The following ENPEP variants were observed in gnomAD, a reference collection of about 807,000 sequenced individuals.
The protein encoded by ENPEP is AP-A.
Under a neutral mutation model 114.5 loss-of-function variants are expected in ENPEP, and 103 were observed. The observed-to-expected ratio is 0.90, with a 90% CI of 0.77 to 1.06. The LOEUF (loss-of-function observed/expected upper bound fraction) is 1.06. Ranked by LOEUF, ENPEP falls within the 50% of genes least tolerant of loss-of-function variation. ENPEP has a pLI of 0.00. For synonymous variants in ENPEP, 420 were observed against 422.0 expected, an observed-to-expected ratio of 1.00 and a Z score of 0.06; for missense variants, 1,196 against 1,161.3, an observed-to-expected ratio of 1.03 and a Z score of -0.43.
At chr4:110,544,033 G>T (rs932454368) in intron 13 of ENPEP, among the ~76,000 whole-genome samples, 50 of 152,048 alleles carry the variant, frequency 3.3e-4, no homozygotes, top group Non-Finnish European at 6.6e-4. Flanking sequence ...GAATAGTATA[G>T]TAGTACTAAA....
At chr4:110,538,730 C>A (rs986355250) in intron 11 of ENPEP, among the ~76,000 whole-genome samples, 1 of 152,146 alleles carries the variant, frequency 6.6e-6, no homozygotes, top group South Asian at 2.1e-4. Context: ...TTAATCATTT[C>A]TATATTTTAA....
At chr4:110,518,504 A>C (rs953635571) in intron 8 of ENPEP, among the ~76,000 whole-genome samples, 3 of 152,230 alleles carry the variant, frequency 2.0e-5, no homozygotes, top group Non-Finnish European at 1.5e-5. Context: ...GAAGTGTCTT[A>C]ATATAGAATA....
At position 110,558,001 on chromosome 4, in the gene ENPEP, G is replaced by T. The variant is rs1727537924; in HGVS notation, c.2643-1646G>T. Among the ~76,000 whole-genome samples, 5 of 131,024 alleles carry T rather than the reference G, an allele frequency of 3.8e-5. No individual in the cohort carries two copies. In the Admixed American group the frequency reaches 3.8e-4, roughly 10 times the overall value. 86.0% of individuals were successfully genotyped at this position (131,024 alleles called of 152,430 possible). ...TATTACAACGATTTGTTCTCGATTA[G>T]TATTTGGCTTCTAATTTTGTATATG... On this transcript the variant is annotated intron_variant, in intron 18 of 19. Transcript: ENST00000265162.
Position 110,549,839 on chromosome 4 carries a change from A to G in ENPEP, c.2454A>G (p.Lys818=), listed in dbSNP as rs908228527. ...CTTCATTAGCTCAAGAAAAAGAAAA[A>G]CTGCTGTATGGATTAGCATCAGTGA... The part of the protein sequence containing the change: ...QKTSLAQEKE[K]LLYGLASVKN... Residue 818 remains lysine (K), a synonymous_variant, in exon 17 of 20, where the codon AAA becomes AAG. Coordinates refer to ENST00000265162, the MANE Select transcript of ENPEP (RefSeq NM_001977.4). 1.9e-6 allele frequency: 3 copies of G among 1,613,110 alleles called. No individual in the cohort carries two copies. The highest frequency in any genetic ancestry group is 1.3e-5 in the African/African-American group (1 of 74,970).
intron 18 of ENPEP, among the ~76,000 whole-genome samples, chr4:110,557,615 G>T (rs916661960): frequency 6.6e-6 from 1 of 152,194 alleles, no homozygotes; most frequent in South Asian, 2.1e-4. Flanking sequence ...CCTGTAAAGG[G>T]ACAGTTCCAG....
Position 110,562,168 on chromosome 4 carries a change from T to C in ENPEP, c.*610T>C, listed in dbSNP as rs1173927212. The C allele has an allele frequency of 6.6e-6, 1 of 152,166 alleles. No individual in the cohort carries two copies. The highest frequency in any genetic ancestry group is 1.5e-5 in the Non-Finnish European group (1 of 68,020). 9.4% of individuals were successfully genotyped at this position (152,166 alleles called of 1,614,324 possible). ...GCTCTTATAAAATCAATAAGAGAAC[T>C]CTCCTCTTTTTTTAAAAATAAATCT... On this transcript the variant is annotated 3_prime_UTR_variant, in exon 20 of 20. Coordinates refer to ENST00000265162, the MANE Select transcript of ENPEP (RefSeq NM_001977.4).
At chr4:110,543,902 T>C (rs1196256444) in intron 13 of ENPEP, among the ~76,000 whole-genome samples, 1 of 152,052 alleles carries the variant, frequency 6.6e-6, no homozygotes, top group African/African-American at 2.4e-5. Context: ...TTATTGTTTA[T>C]TAATTGTGCA....
At chr4:110,527,804 G>GTA in intron 10 of ENPEP, among the ~76,000 whole-genome samples, 1 of 152,118 alleles carries the variant, frequency 6.6e-6, no homozygotes, top group Non-Finnish European at 1.5e-5. Flanking sequence ...CCCAGTAACT[G>GTA]TTACTTCCTC....
intron 1 of ENPEP, among the ~76,000 whole-genome samples, chr4:110,487,987 T>C (rs1356496439): frequency 6.6e-6 from 1 of 152,182 alleles, no homozygotes; most frequent in African/African-American, 2.4e-5. Context: ...GCACTGCCTT[T>C]ACATGAAAAT....
In ENPEP at chr4:110,563,404, G is replaced by T. The variant is rs1727737568; in HGVS notation, c.*1846G>T. On this transcript the variant is annotated 3_prime_UTR_variant, in exon 20 of 20. Coordinates refer to ENST00000265162, the MANE Select transcript of ENPEP (RefSeq NM_001977.4). The stretch of plus-strand genomic sequence containing the variant: ...ATTCTATTTTAAGCATTAAAACTGA[G>T]AACAAATTGTTTACTTCTTTTCACT... The T allele has an allele frequency of 6.6e-6, 1 of 152,076 alleles. No individual in the cohort carries two copies. The highest frequency in any genetic ancestry group is 1.9e-4 in the East Asian group (1 of 5,200). The allele number at this position is 152,076 out of a possible 1,614,324, so 9.4% of individuals were successfully genotyped here.
intron 11 of ENPEP, among the ~76,000 whole-genome samples, chr4:110,534,155 A>T (rs1726517600): frequency 6.6e-6 from 1 of 151,948 alleles, no homozygotes; most frequent in African/African-American, 2.4e-5. Flanking sequence ...TACCAGTCCT[A>T]CCTCCCTCCT....
In ENPEP at chr4:110,488,547, A is replaced by G; in HGVS notation, c.651A>G (p.Ile217Met). The change falls in exon 2 of 20, where the codon ATA becomes ATG. Residue 217 changes from isoleucine (I) to methionine (M), a missense_variant. Ile to Met is a conservative substitution (Grantham distance 10). Coordinates refer to ENST00000265162, the MANE Select transcript of ENPEP (RefSeq NM_001977.4). ...TTGTTTGTTTGTTTCTAAGGAGCAT[A>G]GTGGCCACCGATCATGAACCAACAG... ...TYTENGQVKSIVATDHEPTDA... is the reference protein window; with the variant it reads ...TYTENGQVKSMVATDHEPTDA... 6.2e-7 allele frequency: 1 copy of G among 1,610,630 alleles called. No homozygotes were observed. Among genetic ancestry groups the G allele is most frequent in the Non-Finnish European group, 8.5e-7 (1 of 1,178,522 alleles).
chr4:110,479,148 T>C (rs1724218635), intron 1 of ENPEP, among the ~76,000 whole-genome samples: 1 of 152,206 alleles, frequency 6.6e-6, no homozygotes, highest in Non-Finnish European at 1.5e-5. Context: ...TGGACATAGA[T>C]AGCTGTGGCA....
chr4:110,546,073 A>G (rs1727043465), intron 13 of ENPEP, among the ~76,000 whole-genome samples: 1 of 151,936 alleles, frequency 6.6e-6, no homozygotes. Flanking sequence ...TGGAGGGGAG[A>G]GCATTTACAG....
In ENPEP at chr4:110,476,844, C is replaced by G. The variant is rs140663821; in HGVS notation, c.430C>G (p.Leu144Val). The G allele has an allele frequency of 1.5e-4, 244 of 1,614,160 alleles. 2 individuals carry two copies. In the African/African-American group the frequency reaches 3.1e-3, roughly 20 times the overall value. Residue 144 changes from leucine (L) to valine (V), a missense_variant, in exon 1 of 20, where the codon CTC (leucine) becomes GTC (valine). Leu to Val is a conservative substitution (Grantham distance 32, BLOSUM62 1). Coordinates refer to ENST00000265162, the MANE Select transcript of ENPEP (RefSeq NM_001977.4). Reference sequence around the variant, plus strand: ...CCTCCGGGAGACCAGGATCACCCGGCTCCCGGAGCTGAAGAGGCCCTCTGG... The same window carrying G: ...CCTCCGGGAGACCAGGATCACCCGGGTCCCGGAGCTGAAGAGGCCCTCTGG... ...LHLRETRITR[L>V]PELKRPSGDQ...
At chr4:110,554,694 C>T (rs1459383162) in intron 18 of ENPEP, among the ~76,000 whole-genome samples, 3 of 151,934 alleles carry the variant, frequency 2.0e-5, no homozygotes, top group African/African-American at 7.2e-5. Flanking sequence ...TAATACCCTC[C>T]ATTTTGAAAA....
At position 110,513,416 on chromosome 4, in the gene ENPEP, G is replaced by C; in HGVS notation, c.1310G>C (p.Arg437Pro). ...VNHAETDWQM[R>P]DQMLLEDVLP... ...CTTTGGCTCATTCTTTCATTTCAGCGTGACCAAATGTTACTTGAAGATGTA... is the reference window on the plus strand; with the variant it reads ...CTTTGGCTCATTCTTTCATTTCAGCCTGACCAAATGTTACTTGAAGATGTA... The change falls in exon 7 of 20, where the codon CGT (arginine) becomes CCT (proline). Residue 437 changes from arginine (R) to proline (P), a missense_variant and splice_region_variant. Physicochemically the swap from Arg to Pro is moderately radical, Grantham distance 103. Coordinates refer to ENST00000265162, the MANE Select transcript of ENPEP (RefSeq NM_001977.4). The C allele has an allele frequency of 6.2e-7, 1 of 1,609,362 alleles. No individual in the cohort carries two copies. The highest frequency in any genetic ancestry group is 1.1e-5 in the South Asian group (1 of 90,096).
chr4:110,499,682 G>T (rs1358878916), intron 3 of ENPEP, among the ~76,000 whole-genome samples: 1 of 152,030 alleles, frequency 6.6e-6, no homozygotes, highest in East Asian at 1.9e-4. Context: ...TTTATAGTGA[G>T]AAAAATAAAG....
intron 4 of ENPEP, among the ~76,000 whole-genome samples, 178 bp downstream of exon 4, chr4:110,506,935 G>C (rs568082883): frequency 6.6e-6 from 1 of 152,260 alleles, no homozygotes; most frequent in South Asian, 2.1e-4. Context: ...AAAATGCTAG[G>C]ATTACAGGCC....
Sources: allele counts gnomAD v4.1 joint callset (sites outside exome capture counted in the v4.1 genomes callset), GRCh38; gene constraint gnomAD v4.1.1; transcripts MANE v1.5; gene names NCBI Gene and HGNC (gene_info 2026-07-23, HGNC 2026-07-21).